Variants in PHF8 observed in about 807,000 individuals in gnomAD.
The protein encoded by PHF8 is histone lysine demethylase PHF8.
PHF8 carries 9 observed loss-of-function variants against 74.4 expected under a neutral mutation model. The observed-to-expected ratio is 0.12, with a 90% confidence interval of 0.07 to 0.21. PHF8 has a LOEUF of 0.21. Among genes scored for constraint, PHF8 ranks in the 10% least tolerant of loss-of-function variants. PHF8 has a pLI of 1.00. For synonymous variants in PHF8, 311 were observed against 316.6 expected (o/e 0.98, Z 0.19); for missense variants, 478 against 816.6 (o/e 0.59, Z 5.05).
At position 53,995,022 on chromosome X, in the gene PHF8, C is replaced by G. The variant is rs371658933; in HGVS notation, c.1323+671G>C. 19 of 273,267 alleles carry G rather than the reference C, an allele frequency of 7.0e-5. No homozygotes were observed. The East Asian group carries it at 7.2e-4, about 10-fold the overall frequency. The allele number at this position is 273,267 out of a possible 1,213,427, so 22.5% of individuals were successfully genotyped here. Reference sequence around the variant, plus strand: ...TATTAGCTTTTGATCCTAACAAAATCCTGAAAGGTTGATGTTATCCTCACT... The same window carrying G: ...TATTAGCTTTTGATCCTAACAAAATGCTGAAAGGTTGATGTTATCCTCACT... On this transcript the variant is annotated intron_variant, in intron 12 of 21. Transcript: ENST00000338154.
intron 20 of PHF8, among the ~76,000 whole-genome samples, chrX:53,942,184 T>C (rs1241564787): frequency 8.9e-6 from 1 of 111,916 alleles, no homozygotes; most frequent in African/African-American, 3.2e-5. Context: ...TCAAACTCCC[T>C]GGCCTGACAT....
At chrX:53,963,339 T>C (rs1475308627) in intron 18 of PHF8, among the ~76,000 whole-genome samples, 3 of 112,053 alleles carry the variant, frequency 2.7e-5, no homozygotes, top group African/African-American at 9.7e-5. Flanking sequence ...GAAGCTGTTA[T>C]ATGGTATTTA....
chrX:54,022,988 A>G (rs2066202995), intron 2 of PHF8, 145 bp from the exon 3 acceptor site: 1 of 451,562 alleles, frequency 2.2e-6, no homozygotes, highest in Admixed American at 3.3e-5. Flanking sequence ...TAAAATTTCA[A>G]GCGCTCAGCA....
At position 54,042,825 on chromosome X, in the gene PHF8, G is replaced by C; in HGVS notation, c.-92-5C>G. 1 of 1,129,625 alleles carries C rather than the reference G, an allele frequency of 8.9e-7. No homozygotes were observed. The highest frequency in any genetic ancestry group is 1.8e-5 in the African/African-American group (1 of 55,762). The allele number at this position is 1,129,625 out of a possible 1,213,427, so 93.1% of individuals were successfully genotyped here. A position where few individuals can be genotyped will look rare whatever the true frequency, so the allele number is the denominator to read the frequency against. On this transcript the variant is annotated splice_polypyrimidine_tract_variant and splice_region_variant and intron_variant, in intron 1 of 21. Coordinates refer to ENST00000338154, the MANE Select transcript of PHF8 (RefSeq NM_015107.3). ...CGCGTCCTCTCTGGACGATAGCTAGGCACAAATAACACTTTTTACAGAGTG... is the reference window on the plus strand; with the variant it reads ...CGCGTCCTCTCTGGACGATAGCTAGCCACAAATAACACTTTTTACAGAGTG...
intron 18 of PHF8, among the ~76,000 whole-genome samples, chrX:53,976,348 AG>A (rs1335581004): frequency 1.8e-5 from 2 of 111,323 alleles, no homozygotes; most frequent in African/African-American, 6.5e-5. Flanking sequence ...TAGCAAAAAA[AG>A]AAACGAAAAA....
rs1239439602 is a variant in PHF8, at chrX:53,995,188, A to G, written c.1323+505T>C. 3.2e-5 allele frequency: 11 copies of G among 340,656 alleles called. No individual in the cohort carries two copies. In the Middle Eastern group the frequency reaches 3.5e-3, roughly 107 times the overall value. The allele number at this position is 340,656 out of a possible 1,213,427, so 28.1% of individuals were successfully genotyped here. On this transcript the variant is annotated intron_variant, in intron 12 of 21. Coordinates refer to ENST00000338154, the MANE Select transcript of PHF8 (RefSeq NM_015107.3). ...CCTGTTGAAACATGGCTTTGTAATC[A>G]TCTTCACCCCGAGAGAACTGTCATT...
chrX:53,944,538 T>C (rs2064802429), intron 19 of PHF8: 3 of 272,553 alleles, frequency 1.1e-5, no homozygotes, highest in Non-Finnish European at 2.0e-5. Context: ...GAGGGTGAGG[T>C]GGGACCCTGT....
At chrX:53,978,338 T>C (rs1317995406) in intron 18 of PHF8, among the ~76,000 whole-genome samples, 1 of 111,540 alleles carries the variant, frequency 9.0e-6, no homozygotes, top group Non-Finnish European at 1.9e-5. Context: ...AAACTCATAT[T>C]CACACAAGAA....
chrX:54,044,861 G>A, upstream of PHF8: 1 of 1,151,028 alleles, frequency 8.7e-7, no homozygotes, highest in Non-Finnish European at 1.2e-6. Flanking sequence ...CCGGGGTAGA[G>A]GCGGAGTACT....
intron 2 of PHF8, among the ~76,000 whole-genome samples, chrX:54,024,184 C>T (rs183095926): frequency 2.3e-4 from 26 of 111,083 alleles, no homozygotes; most frequent in Non-Finnish European, 4.5e-4. Flanking sequence ...GTACTTTGGG[C>T]GGCCAAAGTG....
At chrX:53,991,324 T>C (rs924935968) in intron 14 of PHF8, among the ~76,000 whole-genome samples, 5 of 112,130 alleles carry the variant, frequency 4.5e-5, no homozygotes, top group African/African-American at 1.6e-4. Context: ...AATTTGCTCT[T>C]ACCTTCCCTA....
intron 19 of PHF8, among the ~76,000 whole-genome samples, chrX:53,949,437 GTTTAAGTAAGCCAATTACAAAAGATATTT>G (rs2064883866): frequency 8.9e-6 from 1 of 111,874 alleles, no homozygotes; most frequent in Non-Finnish European, 1.9e-5. Flanking sequence ...ATGGATTCTG[GTTTAAGTAAGCCAATTACAAAAGATATTT>G]TTGGTGCAAC....
chrX:53,944,719 A>C (rs1160369024), intron 19 of PHF8, among the ~76,000 whole-genome samples: 1 of 112,363 alleles, frequency 8.9e-6, no homozygotes, highest in Non-Finnish European at 1.9e-5. Flanking sequence ...CCCTGTCTCT[A>C]AAAATAGAAC....
At chrX:54,027,270 T>G (rs2066281885) in intron 2 of PHF8, among the ~76,000 whole-genome samples, 1 of 110,800 alleles carries the variant, frequency 9.0e-6, no homozygotes, top group Admixed American at 9.7e-5. Context: ...GTCCGCCCCT[T>G]CACAGCCAAA....
At chrX:54,006,234 C>T (rs2065896077) in intron 8 of PHF8, among the ~76,000 whole-genome samples, 1 of 111,866 alleles carries the variant, frequency 8.9e-6, no homozygotes, top group Admixed American at 9.5e-5. Flanking sequence ...ATAATCCCAG[C>T]ACTTTAGGAA....
chrX:54,015,593 A>C (rs935132903), intron 6 of PHF8, among the ~76,000 whole-genome samples: 3 of 107,744 alleles, frequency 2.8e-5, no homozygotes, highest in Non-Finnish European at 3.8e-5. Context: ...AAAAAAAAAA[A>C]AAAACACAAC....
At chrX:53,993,028 G>A (rs1417934585) in intron 13 of PHF8, 189 bp from the exon 14 acceptor site, 1 of 442,610 alleles carries the variant, frequency 2.3e-6, no homozygotes, top group African/African-American at 2.5e-5. Flanking sequence ...GGTTGGTTCA[G>A]GGGACACCTG....
intron 3 of PHF8, 59 bp from the exon 4 acceptor site, chrX:54,022,426 G>T: frequency 1.3e-6 from 1 of 741,861 alleles, no homozygotes; most frequent in East Asian, 3.2e-5. Flanking sequence ...ATGATACCAA[G>T]AACAAAGGCC....
At chrX:54,011,758 G>A (rs782083598) in intron 7 of PHF8, among the ~76,000 whole-genome samples, 9 of 108,760 alleles carry the variant, frequency 8.3e-5, no homozygotes, top group Non-Finnish European at 1.7e-4. Context: ...TTCAGTAATC[G>A]CCCAAGGACT....
Sources: gnomAD v4.1 joint callset for allele counts (sites outside exome capture counted in the v4.1 genomes callset) on GRCh38, gnomAD v4.1.1 for gene constraint, MANE v1.5 for transcripts, NCBI Gene and HGNC (gene_info 2026-07-23, HGNC 2026-07-21) for gene names.